ANKRD6: variants seen among roughly 807,000 people sequenced by gnomAD.
ANKRD6 encodes the protein ankyrin repeat domain-containing protein 6.
In ANKRD6, 56 loss-of-function variants were observed where a neutral mutation model predicts 82.3. The ratio of observed to expected loss-of-function variants is 0.68; its 90% confidence interval spans 0.55 to 0.85. ANKRD6 has a LOEUF of 0.85. ANKRD6 is among the 40% of genes least tolerant of loss of function. The pLI, the probability that ANKRD6 is intolerant of heterozygous loss-of-function variation, is 0.00. For synonymous variants in ANKRD6, 347 were observed against 352.1 expected (o/e 0.99, Z 0.16); for missense variants, 852 against 907.6 (o/e 0.94, Z 0.79).
intron 1 of ANKRD6, among the ~76,000 whole-genome samples, chr6:89,527,038 A>G (rs1782576511): frequency 6.6e-6 from 1 of 152,214 alleles, no homozygotes; most frequent in Non-Finnish European, 1.5e-5. Context: ...ACACATACCC[A>G]TACATAATGT....
At chr6:89,590,918 G>T (rs942779668) in intron 2 of ANKRD6, among the ~76,000 whole-genome samples, 11 of 152,136 alleles carry the variant, frequency 7.2e-5, no homozygotes, top group African/African-American at 2.7e-4. Flanking sequence ...TTAAGATAGT[G>T]CCTTCTACGC....
intron 2 of ANKRD6, among the ~76,000 whole-genome samples, chr6:89,594,600 A>G (rs914564091): frequency 1.3e-5 from 2 of 152,230 alleles, no homozygotes; most frequent in African/African-American, 4.8e-5. Flanking sequence ...CTGGGGATGG[A>G]AGAGAAATGA....
intron 5 of ANKRD6, among the ~76,000 whole-genome samples, chr6:89,610,355 G>A (rs1290018502): frequency 6.6e-6 from 1 of 152,112 alleles, no homozygotes; most frequent in African/African-American, 2.4e-5. Flanking sequence ...ACAGTATGCG[G>A]CCTTCTGTGT....
At chr6:89,486,706 T>C (rs1191024528) in intron 1 of ANKRD6, among the ~76,000 whole-genome samples, 4 of 152,172 alleles carry the variant, frequency 2.6e-5, no homozygotes, top group African/African-American at 4.8e-5. Context: ...ACTCCCGGGC[T>C]CAAGCGATCT....
chr6:89,498,901 G>A (rs1334915142), intron 1 of ANKRD6, among the ~76,000 whole-genome samples: 1 of 152,218 alleles, frequency 6.6e-6, no homozygotes, highest in Non-Finnish European at 1.5e-5. Context: ...ATTGGATGAA[G>A]ATTCCTGAGG....
intron 1 of ANKRD6, among the ~76,000 whole-genome samples, chr6:89,526,608 A>G (rs1292723888): frequency 3.3e-5 from 5 of 152,128 alleles, no homozygotes; most frequent in East Asian, 1.9e-4. Flanking sequence ...CTCCTAAACT[A>G]TGGTATTAGT....
chr6:89,561,647 G>A (rs1255905860), intron 1 of ANKRD6: 1 of 152,242 alleles, frequency 6.6e-6, no homozygotes, highest in Non-Finnish European at 1.5e-5. Context: ...CAGATGATGA[G>A]TTTCTTTAAA....
intron 7 of ANKRD6, among the ~76,000 whole-genome samples, chr6:89,615,924 A>G (rs1801459907): frequency 6.6e-6 from 1 of 152,226 alleles, no homozygotes; most frequent in South Asian, 2.1e-4. Context: ...TAATATGAAC[A>G]TTTATTTATA....
intron 2 of ANKRD6, 35 bp from the exon 3 acceptor site, chr6:89,595,881 T>A: frequency 6.5e-7 from 1 of 1,544,520 alleles, no homozygotes; most frequent in Non-Finnish European, 8.8e-7. Context: ...CATTGAGGAC[T>A]TGTTCCGAAA....
rs572599740 is a variant in ANKRD6 at position 89,623,539 on chromosome 6, C to T, written c.1027C>T (p.Pro343Ser). 65 of 1,581,688 alleles carry T rather than the reference C, an allele frequency of 4.1e-5. No individual in the cohort carries two copies. The East Asian group carries it at 1.1e-3, about 28-fold the overall frequency. The change falls in exon 11 of 16, where the codon CCC becomes TCC. Residue 343 changes from proline (P) to serine (S), a missense_variant. By Grantham distance (74) the Pro-to-Ser change is moderately conservative. Transcript: ENST00000339746. ...GGATGACAGGAGGAGAAAGTCAAGG[C>T]CCAAGGTCAGGAGACACAGAAAGCA... ...AKDDRRRKSR[P>S]KVSAFSDPTP...
At chr6:89,478,785 T>C (rs987553563) in intron 1 of ANKRD6, among the ~76,000 whole-genome samples, 1 of 150,812 alleles carries the variant, frequency 6.6e-6, no homozygotes, top group African/African-American at 2.4e-5. Context: ...GAAAAATACT[T>C]AATTAAAAAA....
At chr6:89,450,781 C>T (rs190272055) in intron 1 of ANKRD6, among the ~76,000 whole-genome samples, 18 of 151,944 alleles carry the variant, frequency 1.2e-4, no homozygotes, top group Admixed American at 1.0e-3. Flanking sequence ...GGGTTACAGG[C>T]GTGAGCCACT....
At chr6:89,471,331 T>C (rs1425470883) in intron 1 of ANKRD6, among the ~76,000 whole-genome samples, 1 of 127,196 alleles carries the variant, frequency 7.9e-6, no homozygotes, top group African/African-American at 3.1e-5. Flanking sequence ...GGTGATGGAG[T>C]GAGACTCTGT....
At chr6:89,443,127 C>A (rs1269366801) in intron 1 of ANKRD6, among the ~76,000 whole-genome samples, 10 of 152,098 alleles carry the variant, frequency 6.6e-5, no homozygotes, top group Non-Finnish European at 8.8e-5. Context: ...TACAAAGAAT[C>A]TGTTTTGTCA....
rs9444691 is a variant in ANKRD6, at chr6:89,458,035, T to C, written c.-144+24660T>C. Among the ~76,000 whole-genome samples, 1,289 of 152,300 alleles carry C rather than the reference T, an allele frequency of 8.5e-3. 12 individuals carry two copies. Among genetic ancestry groups the C allele is most frequent in the African/African-American group, 0.023 (950 of 41,566 alleles). On this transcript the variant is annotated intron_variant, in intron 1 of 15. Transcript: ENST00000339746. ...ACCATGTGAGGATACAATGAGCAGATGGTGTTCTATGAACCAGGAAATGGG... is the reference window on the plus strand; with the variant it reads ...ACCATGTGAGGATACAATGAGCAGACGGTGTTCTATGAACCAGGAAATGGG...
intron 2 of ANKRD6, among the ~76,000 whole-genome samples, chr6:89,590,982 G>A (rs1236209713): frequency 6.6e-6 from 1 of 152,200 alleles, no homozygotes; most frequent in Non-Finnish European, 1.5e-5. Flanking sequence ...CTCTTGCTCT[G>A]CCCAATTATT....
Position 89,630,615 on chromosome 6 carries a change from C to G in ANKRD6, c.1795C>G (p.Pro599Ala). 2 of 1,613,920 alleles carry G rather than the reference C, an allele frequency of 1.2e-6. No homozygotes were observed. The highest frequency in any genetic ancestry group is 1.7e-6 in the Non-Finnish European group (2 of 1,179,832). Residue 599 changes from proline (P) to alanine (A), a missense_variant, in exon 16 of 16, where the codon CCC becomes GCC. Physicochemically the swap from Pro to Ala is conservative, Grantham distance 27 (BLOSUM62 -1). Coordinates refer to ENST00000339746, the MANE Select transcript of ANKRD6 (RefSeq NM_001242809.2). The stretch of plus-strand genomic sequence containing the variant: ...CGTCAAGGTCCAGACAGCCTTGCTA[C>G]CCATGAATGAGGCAGCCAGATCTGA... ...RNVKVQTALL[P>A]MNEAARSDQQ... is the part of the protein sequence containing the mutation.
At chr6:89,483,368 G>C (rs1777006126) in intron 1 of ANKRD6, 1 of 152,724 alleles carries the variant, frequency 6.5e-6, no homozygotes, top group Admixed American at 6.5e-5. Context: ...CACAGCTGCT[G>C]GGGTGGAGAA....
chr6:89,563,589 G>C (rs551419393), intron 1 of ANKRD6, among the ~76,000 whole-genome samples: 7 of 152,328 alleles, frequency 4.6e-5, no homozygotes, highest in South Asian at 2.1e-4. Flanking sequence ...GGGATGAACT[G>C]CTACAGCCAA....
Sources: allele counts gnomAD v4.1 joint callset (sites outside exome capture counted in the v4.1 genomes callset), GRCh38; gene constraint gnomAD v4.1.1; transcripts MANE v1.5; gene names NCBI Gene and HGNC (gene_info 2026-07-23, HGNC 2026-07-21).